Variants in ADGRB3 observed in about 807,000 individuals in gnomAD.
ADGRB3 encodes the protein adhesion G protein-coupled receptor B3, also known as brain-specific angiogenesis inhibitor 3.
ADGRB3 carries 37 observed loss-of-function variants against 193.4 expected under a neutral mutation model. That is an observed-to-expected ratio of 0.19 (90% CI 0.15 to 0.25). The LOEUF (loss-of-function observed/expected upper bound fraction) is 0.25. Ranked by LOEUF, ADGRB3 falls within the 10% of genes least tolerant of loss-of-function variation. ADGRB3 has a pLI of 1.00. For synonymous variants in ADGRB3, 690 were observed against 644.2 expected, an observed-to-expected ratio of 1.07 and a Z score of -1.08; for missense variants, 1,637 against 1,852.9, an observed-to-expected ratio of 0.88 and a Z score of 2.14.
intron 3 of ADGRB3, among the ~76,000 whole-genome samples, chr6:68,859,973 C>T (rs968146379): frequency 3.3e-5 from 5 of 151,726 alleles, no homozygotes; most frequent in African/African-American, 4.8e-5. Context: ...AATAATTATT[C>T]CATAACATAA....
chr6:69,284,840 T>C (rs930684650), intron 20 of ADGRB3, among the ~76,000 whole-genome samples: 15 of 151,862 alleles, frequency 9.9e-5, no homozygotes, highest in African/African-American at 3.6e-4. Context: ...ATTATTGTAA[T>C]GGGCTTTCTG....
At chr6:68,852,486 C>A (rs916827994) in intron 3 of ADGRB3, among the ~76,000 whole-genome samples, 4 of 151,862 alleles carry the variant, frequency 2.6e-5, no homozygotes, top group Non-Finnish European at 5.9e-5. Context: ...ACTTGTATAT[C>A]GTTAAAGAGT....
At chr6:68,691,986 C>A (rs1337535683) in intron 3 of ADGRB3, among the ~76,000 whole-genome samples, 1 of 151,624 alleles carries the variant, frequency 6.6e-6, no homozygotes, top group Non-Finnish European at 1.5e-5. Flanking sequence ...GTTTTTCATT[C>A]ACAAATTGTT....
chr6:69,005,579 C>T (rs1216517236), intron 11 of ADGRB3, among the ~76,000 whole-genome samples: 2 of 152,074 alleles, frequency 1.3e-5, no homozygotes, highest in Non-Finnish European at 2.9e-5. Context: ...GACCACGTGA[C>T]TATTACAGGC....
At chr6:68,695,678 AG>A (rs1765145521) in intron 3 of ADGRB3, among the ~76,000 whole-genome samples, 1 of 151,916 alleles carries the variant, frequency 6.6e-6, no homozygotes, top group Admixed American at 6.6e-5. Context: ...ACTACTGTTA[AG>A]AGTCCACAGC....
chr6:69,217,605 G>A (rs751554514), intron 17 of ADGRB3, among the ~76,000 whole-genome samples: 4 of 152,118 alleles, frequency 2.6e-5, no homozygotes, highest in African/African-American at 7.2e-5. Flanking sequence ...GCAGGGTGTC[G>A]CCCAGCCCCA....
chr6:68,970,853 G>A (rs1468586793), intron 8 of ADGRB3, among the ~76,000 whole-genome samples: 1 of 152,198 alleles, frequency 6.6e-6, no homozygotes, highest in East Asian at 1.9e-4. Flanking sequence ...TAAAATCATG[G>A]AAGGTTAAGA....
chr6:69,040,313 CTT>C (rs1491107464), intron 13 of ADGRB3, among the ~76,000 whole-genome samples: 9 of 36,734 alleles, frequency 2.5e-4, no homozygotes, highest in Non-Finnish European at 1.6e-4. Context: ...CTGTCTCTTT[CTT>C]TCTTTCTTTC....
At chr6:69,125,789 T>C (rs1773834782) in intron 17 of ADGRB3, among the ~76,000 whole-genome samples, 1 of 152,244 alleles carries the variant, frequency 6.6e-6, no homozygotes, top group South Asian at 2.1e-4. Flanking sequence ...TAATGCTTTT[T>C]TAAAAACAAC....
intron 20 of ADGRB3, among the ~76,000 whole-genome samples, chr6:69,267,961 G>A (rs1767084374): frequency 6.6e-6 from 1 of 152,028 alleles, no homozygotes; most frequent in Non-Finnish European, 1.5e-5. Context: ...TGGCCCACAT[G>A]TCAGGCACGA....
At chr6:69,182,012 C>T (rs766864556) in intron 17 of ADGRB3, among the ~76,000 whole-genome samples, 4 of 152,034 alleles carry the variant, frequency 2.6e-5, no homozygotes, top group African/African-American at 4.8e-5. Context: ...AGTTGTTCAT[C>T]GCAAAAATTG....
intron 3 of ADGRB3, among the ~76,000 whole-genome samples, chr6:68,800,870 G>A (rs1274085030): frequency 6.6e-6 from 1 of 152,138 alleles, no homozygotes; most frequent in East Asian, 1.9e-4. Context: ...GAGAAGGAGA[G>A]AAGTCTATCT....
At chr6:69,230,442 G>T (rs1766107570) in intron 17 of ADGRB3, among the ~76,000 whole-genome samples, 1 of 152,086 alleles carries the variant, frequency 6.6e-6, no homozygotes, top group Non-Finnish European at 1.5e-5. Flanking sequence ...CTTCACATTT[G>T]CTCTGCCACA....
chr6:69,193,714 AT>A (rs570143543), intron 17 of ADGRB3, among the ~76,000 whole-genome samples: 4,112 of 148,488 alleles, frequency 0.028, 127 homozygotes, highest in African/African-American at 0.073. Flanking sequence ...TTGAATCTCA[AT>A]TTTTTTTTTT....
At chr6:69,303,679 T>C (rs541380086) in intron 20 of ADGRB3, among the ~76,000 whole-genome samples, 2 of 151,798 alleles carry the variant, frequency 1.3e-5, no homozygotes, top group Non-Finnish European at 2.9e-5. Context: ...AAAAAAAAAA[T>C]TTTTTGCTCA....
intron 3 of ADGRB3, among the ~76,000 whole-genome samples, chr6:68,765,680 G>A (rs966280630): frequency 1.3e-5 from 2 of 151,754 alleles, no homozygotes; most frequent in South Asian, 4.2e-4. Context: ...TTATAAGTTT[G>A]AAAAGCTTAT....
chr6:69,328,345 A>G (rs1417593615), intron 22 of ADGRB3, among the ~76,000 whole-genome samples: 1 of 152,150 alleles, frequency 6.6e-6, no homozygotes, highest in East Asian at 1.9e-4. Context: ...GATCAAGGGA[A>G]CCAATGGATT....
intron 17 of ADGRB3, among the ~76,000 whole-genome samples, chr6:69,224,228 T>C (rs912079589): frequency 6.6e-6 from 1 of 152,152 alleles, no homozygotes; most frequent in Non-Finnish European, 1.5e-5. Context: ...CTAGTTGATA[T>C]TAAATTGGTG....
At chr6:69,225,750 C>T (rs191928073) in intron 17 of ADGRB3, among the ~76,000 whole-genome samples, 3 of 152,222 alleles carry the variant, frequency 2.0e-5, no homozygotes, top group African/African-American at 7.2e-5. Flanking sequence ...CTCCATTTTC[C>T]TATAGAGGAA....
Sources: gnomAD v4.1 joint callset for allele counts (sites outside exome capture counted in the v4.1 genomes callset) on GRCh38, gnomAD v4.1.1 for gene constraint, MANE v1.5 for transcripts, NCBI Gene and HGNC (gene_info 2026-07-23, HGNC 2026-07-21) for gene names.